Variants in TGM5 observed in about 807,000 individuals in gnomAD.
TGM5 encodes transglutaminase 5.
A neutral mutation model predicts 77.2 loss-of-function variants in TGM5; 69 were observed. The ratio of observed to expected loss-of-function variants is 0.89; its 90% CI spans 0.74 to 1.09. The LOEUF (loss-of-function observed/expected upper bound fraction) is 1.09. Ranked by LOEUF, TGM5 falls within the 50% of genes least tolerant of loss-of-function variation. The probability of loss-of-function intolerance (pLI) is 0.00; values close to 1 mark genes in which losing one functional copy is unlikely to be tolerated. For synonymous variants in TGM5, 346 were observed against 351.8 expected (o/e 0.98, Z 0.18); for missense variants, 842 against 896.5 (o/e 0.94, Z 0.78).
intron 7 of TGM5, among the ~76,000 whole-genome samples, chr15:43,240,348 T>C (rs1299017101): frequency 1.3e-5 from 2 of 152,208 alleles, no homozygotes; most frequent in Non-Finnish European, 2.9e-5. Flanking sequence ...TCCAAGCAGA[T>C]TTCTACATGG....
intron 6 of TGM5, among the ~76,000 whole-genome samples, chr15:43,244,983 C>T (rs991690777): frequency 4.6e-5 from 7 of 152,120 alleles, no homozygotes; most frequent in African/African-American, 1.4e-4. Flanking sequence ...GCAGGAGAAT[C>T]GCTTGAGCTC....
At chr15:43,259,366 TCTGGTG>T (rs969909410) in intron 3 of TGM5, among the ~76,000 whole-genome samples, 7 of 150,898 alleles carry the variant, frequency 4.6e-5, no homozygotes, top group African/African-American at 1.7e-4. Context: ...GTTAAAAATA[TCTGGTG>T]CATCCAAACA....
At chr15:43,256,714 G>A in intron 3 of TGM5, 28 bp from the exon 4 acceptor site, 1 of 1,523,894 alleles carries the variant, frequency 6.6e-7, no homozygotes, top group Non-Finnish European at 9.1e-7. Flanking sequence ...AGGGCACGAA[G>A]CAGAAAAGTC....
At position 43,252,750 on chromosome 15, in the gene TGM5, A is replaced by G. The variant is rs775503341; in HGVS notation, c.862+9T>C. ...CTGACCTTTTTGTGGGGTCCTTTCTACCTCCTACCTGTGCACATGACGGCA... is the reference window on the plus strand; with the variant it reads ...CTGACCTTTTTGTGGGGTCCTTTCTGCCTCCTACCTGTGCACATGACGGCA... On this transcript the variant is annotated intron_variant, in intron 6 of 12. Coordinates refer to ENST00000220420, the MANE Select transcript of TGM5 (RefSeq NM_201631.4). 1.2e-6 allele frequency: 2 copies of G among 1,612,906 alleles called. No individual in the cohort carries two copies. The highest frequency in any genetic ancestry group is 1.7e-6 in the Non-Finnish European group (2 of 1,179,970).
intron 9 of TGM5, among the ~76,000 whole-genome samples, chr15:43,237,730 C>T (rs2042600776): frequency 6.6e-6 from 1 of 152,188 alleles, no homozygotes; most frequent in Admixed American, 6.5e-5. Flanking sequence ...CAAATTTATG[C>T]TAAAGCATTA....
chr15:43,246,479 T>C (rs1469361482), intron 6 of TGM5, among the ~76,000 whole-genome samples: 1 of 152,204 alleles, frequency 6.6e-6, no homozygotes, highest in African/African-American at 2.4e-5. Flanking sequence ...CTACTTTTGT[T>C]GTCTTCCTCC....
intron 9 of TGM5, among the ~76,000 whole-genome samples, chr15:43,236,764 C>T (rs1235357165): frequency 6.6e-6 from 1 of 151,928 alleles, no homozygotes; most frequent in Non-Finnish European, 1.5e-5. Context: ...GTCTGGAGTT[C>T]GAGACCAGCC....
chr15:43,246,565 A>T (rs756944684), intron 6 of TGM5, among the ~76,000 whole-genome samples: 1 of 152,250 alleles, frequency 6.6e-6, no homozygotes, highest in Non-Finnish European at 1.5e-5. Flanking sequence ...CTAGAGCAGC[A>T]TCCAGGCCAC....
intron 1 of TGM5, among the ~76,000 whole-genome samples, chr15:43,266,460 G>C (rs530489462): frequency 1.3e-5 from 2 of 152,304 alleles, no homozygotes; most frequent in Non-Finnish European, 2.9e-5. Flanking sequence ...AGATTGTCTG[G>C]TCCAATCCCT....
intron 3 of TGM5, among the ~76,000 whole-genome samples, chr15:43,259,502 C>T (rs1480445974): frequency 1.3e-5 from 2 of 151,178 alleles, no homozygotes; most frequent in Non-Finnish European, 2.9e-5. Context: ...ATCTCACTTA[C>T]GGTATGTATT....
At chr15:43,245,254 G>A (rs886988847) in intron 6 of TGM5, among the ~76,000 whole-genome samples, 5 of 151,994 alleles carry the variant, frequency 3.3e-5, no homozygotes, top group Non-Finnish European at 1.5e-5. Context: ...AGCTTTTATC[G>A]AGAAATGTGG....
At chr15:43,243,438 G>A (rs941428640) in intron 6 of TGM5, among the ~76,000 whole-genome samples, 1 of 152,246 alleles carries the variant, frequency 6.6e-6, no homozygotes, top group African/African-American at 2.4e-5. Flanking sequence ...CACTGATCCA[G>A]TCTCACCCTT....
intron 8 of TGM5, 43 bp from the exon 9 acceptor site, chr15:43,239,099 G>C: frequency 6.2e-7 from 1 of 1,614,104 alleles, no homozygotes; most frequent in South Asian, 1.1e-5. Context: ...TTTGTTGCAG[G>C]GCTGGGCAGG....
intron 1 of TGM5, 103 bp downstream of exon 1, chr15:43,266,737 A>T: frequency 6.9e-7 from 1 of 1,450,984 alleles, no homozygotes; most frequent in Non-Finnish European, 9.7e-7. Flanking sequence ...TTCTGTATTT[A>T]CTTCTTTATT....
chr15:43,241,736 C>A (rs2042638117), intron 6 of TGM5, among the ~76,000 whole-genome samples: 1 of 152,078 alleles, frequency 6.6e-6, no homozygotes, highest in African/African-American at 2.4e-5. Flanking sequence ...CGGGTTCAAG[C>A]AATTCTCCTG....
intron 6 of TGM5, among the ~76,000 whole-genome samples, chr15:43,250,793 A>G (rs1232066204): frequency 6.6e-6 from 1 of 152,082 alleles, no homozygotes; most frequent in African/African-American, 2.4e-5. Context: ...AATTTATAAC[A>G]TGGTAGCTCT....
rs761256380 is a variant in TGM5, at chr15:43,240,887, G to A, written c.966C>T (p.Gly322=). Reference sequence around the variant, plus strand: ...CCTTCTTCTTATTCCCCAAAATCCTGCCTGTGTTGTCATAATACTCATCTA... The same window carrying A: ...CCTTCTTCTTATTCCCCAAAATCCTACCTGTGTTGTCATAATACTCATCTA... ...LIIDEYYDNT[G]RILGNKKKDT... Residue 322 remains glycine (G), a synonymous_variant, in exon 7 of 13, where the codon GGC becomes GGT. Transcript: ENST00000220420. The A allele has an allele frequency of 1.1e-5, 18 of 1,614,046 alleles. 1 individual carries two copies. The South Asian group carries it at 2.0e-4, about 18-fold the overall frequency.
At chr15:43,254,302 C>T (rs1388594331) in intron 4 of TGM5, among the ~76,000 whole-genome samples, 1 of 152,234 alleles carries the variant, frequency 6.6e-6, no homozygotes, top group Non-Finnish European at 1.5e-5. Flanking sequence ...TCTTTTCCTG[C>T]CTGAGTCTCG....
chr15:43,235,883 G>C (rs377575882), intron 9 of TGM5, 46 bp from the exon 10 acceptor site: 37 of 1,609,226 alleles, frequency 2.3e-5, no homozygotes, highest in Non-Finnish European at 2.9e-5. Context: ...CAGGCTGACC[G>C]GGGTAGACTG....
Sources: gnomAD v4.1 joint callset for allele counts (sites outside exome capture counted in the v4.1 genomes callset) on GRCh38, gnomAD v4.1.1 for gene constraint, MANE v1.5 for transcripts, NCBI Gene and HGNC (gene_info 2026-07-23, HGNC 2026-07-21) for gene names.